The following NUBPL variants were observed in gnomAD, a reference collection of about 807,000 sequenced individuals.
The protein encoded by NUBPL is NUBP iron-sulfur cluster assembly factor, mitochondrial.
NUBPL carries 31 observed loss-of-function variants against 45.7 expected under a neutral mutation model. That is an observed-to-expected ratio of 0.68 (90% CI 0.51 to 0.92). The LOEUF (loss-of-function observed/expected upper bound fraction) is 0.92, where lower values mean the gene tolerates loss of function less well. Among genes scored for constraint, NUBPL ranks in the 40% least tolerant of loss-of-function variants. NUBPL has a pLI of 0.00. For missense variants in NUBPL, 401 were observed against 398.7 expected, an observed-to-expected ratio of 1.01 and a Z score of -0.05; for synonymous variants, 144 against 140.9, an observed-to-expected ratio of 1.02 and a Z score of -0.15.
At chr14:31,710,976 A>G in intron 6 of NUBPL, among the ~76,000 whole-genome samples, 1 of 152,232 alleles carries the variant, frequency 6.6e-6, no homozygotes, top group Non-Finnish European at 1.5e-5. Context: ...GAGAAACTAG[A>G]AAAGCACCAG....
At chr14:31,714,979 T>C (rs1436573659) in intron 6 of NUBPL, among the ~76,000 whole-genome samples, 1 of 152,194 alleles carries the variant, frequency 6.6e-6, no homozygotes, top group Non-Finnish European at 1.5e-5. Flanking sequence ...TAAACTTTCT[T>C]CTCACTTAAG....
chr14:31,613,781 G>T (rs1272732626), intron 4 of NUBPL, among the ~76,000 whole-genome samples: 3 of 151,832 alleles, frequency 2.0e-5, no homozygotes, highest in Non-Finnish European at 4.4e-5. Flanking sequence ...CAACACAAAG[G>T]ATAAATGCTT....
At chr14:31,638,954 C>T (rs890500756) in intron 4 of NUBPL, among the ~76,000 whole-genome samples, 4 of 152,140 alleles carry the variant, frequency 2.6e-5, no homozygotes, top group Non-Finnish European at 4.4e-5. Context: ...TTAAGCACTT[C>T]TCTCTATTGG....
intron 7 of NUBPL, among the ~76,000 whole-genome samples, chr14:31,818,276 A>G (rs1395184139): frequency 6.6e-6 from 1 of 152,142 alleles, no homozygotes; most frequent in Non-Finnish European, 1.5e-5. Flanking sequence ...AAGGGTATTC[A>G]GGACTTGAAC....
chr14:31,697,616 A>G (rs1220942251), intron 6 of NUBPL, among the ~76,000 whole-genome samples: 2 of 152,224 alleles, frequency 1.3e-5, no homozygotes, highest in Non-Finnish European at 2.9e-5. Context: ...TTGCAGATTA[A>G]ATATACAGCA....
intron 6 of NUBPL, among the ~76,000 whole-genome samples, chr14:31,759,651 G>A (rs2138720987): frequency 6.6e-6 from 1 of 151,376 alleles, no homozygotes; most frequent in South Asian, 2.1e-4. Context: ...CTTTACCATG[G>A]TGTGAAAGCA....
At chr14:31,756,079 A>G (rs886321511) in intron 6 of NUBPL, among the ~76,000 whole-genome samples, 1 of 151,908 alleles carries the variant, frequency 6.6e-6, no homozygotes, top group African/African-American at 2.4e-5. Flanking sequence ...TGGTACCAGT[A>G]CCATGCTGTT....
At chr14:31,727,005 C>T (rs1250085735) in intron 6 of NUBPL, among the ~76,000 whole-genome samples, 4 of 152,060 alleles carry the variant, frequency 2.6e-5, no homozygotes, top group Non-Finnish European at 5.9e-5. Flanking sequence ...TATCTTCAGG[C>T]GTCACCAAAC....
intron 4 of NUBPL, among the ~76,000 whole-genome samples, chr14:31,668,738 C>T (rs1478745295): frequency 6.6e-6 from 1 of 152,168 alleles, no homozygotes; most frequent in Non-Finnish European, 1.5e-5. Context: ...GTAGGAAAAG[C>T]CTAGTAGCTG....
intron 6 of NUBPL, among the ~76,000 whole-genome samples, chr14:31,758,143 G>T (rs760286070): frequency 6.6e-6 from 1 of 152,020 alleles, no homozygotes; most frequent in East Asian, 1.9e-4. Flanking sequence ...CCATCCATTA[G>T]AGTGTAAGTT....
intron 6 of NUBPL, among the ~76,000 whole-genome samples, chr14:31,689,713 A>G (rs2037049047): frequency 6.6e-6 from 1 of 152,168 alleles, no homozygotes; most frequent in South Asian, 2.1e-4. Flanking sequence ...TGCTGTTGAC[A>G]TCTTCGTCAT....
chr14:31,731,319 G>A lies in NUBPL; in HGVS notation c.514-56461G>A, dbSNP rs534308034. On this transcript the variant is annotated intron_variant, in intron 6 of 10. Coordinates refer to ENST00000281081, the MANE Select transcript of NUBPL (RefSeq NM_025152.3). ...ATGGTAAGAGATACAGATATTCAGC[G>A]CAAAGAACCAGAAATCCAGAGAGCC... is the stretch of plus-strand genomic sequence containing the variant. Among the ~76,000 whole-genome samples the A allele has an allele frequency of 3.1e-4, 47 of 152,268 alleles. 1 individual carries two copies. In the South Asian group the frequency reaches 5.8e-3, roughly 19 times the overall value.
At chr14:31,757,618 G>A (rs73255188) in intron 6 of NUBPL, among the ~76,000 whole-genome samples, 10,021 of 152,128 alleles carry the variant, frequency 0.066, 427 homozygotes, top group Non-Finnish European at 0.091. Flanking sequence ...GATATCTGAA[G>A]GGTAAATGTG....
At chr14:31,816,212 C>T (rs2138926837) in intron 7 of NUBPL, among the ~76,000 whole-genome samples, 1 of 152,008 alleles carries the variant, frequency 6.6e-6, no homozygotes, top group South Asian at 2.1e-4. Flanking sequence ...AGTTTCAGAA[C>T]TTACTGGTCT....
chr14:31,642,573 GT>G (rs2035735028), intron 4 of NUBPL, among the ~76,000 whole-genome samples: 1 of 152,036 alleles, frequency 6.6e-6, no homozygotes, highest in Non-Finnish European at 1.5e-5. Context: ...GTACTATATT[GT>G]TTTGGTTACT....
chr14:31,756,748 G>T (rs36161359), intron 6 of NUBPL, among the ~76,000 whole-genome samples: 55,495 of 151,262 alleles, frequency 0.37, 12,480 homozygotes, highest in East Asian at 0.6. Flanking sequence ...TTGAATAGGA[G>T]TGGTGAGAGA....
intron 6 of NUBPL, among the ~76,000 whole-genome samples, chr14:31,701,393 T>C (rs1039139006): frequency 4.6e-5 from 7 of 152,194 alleles, no homozygotes; most frequent in African/African-American, 1.4e-4. Flanking sequence ...GTCTGTAAAA[T>C]GGACCAATCA....
At chr14:31,611,106 G>A (rs1229090961) in intron 4 of NUBPL, among the ~76,000 whole-genome samples, 2 of 151,950 alleles carry the variant, frequency 1.3e-5, no homozygotes, top group African/African-American at 4.8e-5. Flanking sequence ...AATGAAATAA[G>A]GGACATCCAA....
rs140156638 is a variant in NUBPL, at chr14:31,675,131, C to A, written c.513+1557C>A. Among the ~76,000 whole-genome samples, 225 of 133,306 alleles carry A rather than the reference C, an allele frequency of 1.7e-3. 1 individual carries two copies. The East Asian group carries it at 0.019, about 11-fold the overall frequency. 87.5% of individuals were successfully genotyped at this position (133,306 alleles called of 152,430 possible). A position where few individuals can be genotyped will look rare whatever the true frequency, so the allele number is the denominator to read the frequency against. On this transcript the variant is annotated intron_variant, in intron 6 of 10. Coordinates refer to ENST00000281081, the MANE Select transcript of NUBPL (RefSeq NM_025152.3). ...CAGCCTGGGTGACAGAGTAAGACTC[C>A]GTCTCAAAAAAAAAAAAAAAGTTAC...
Sources: allele counts gnomAD v4.1 joint callset (sites outside exome capture counted in the v4.1 genomes callset), GRCh38; gene constraint gnomAD v4.1.1; transcripts MANE v1.5; gene names NCBI Gene and HGNC (gene_info 2026-07-23, HGNC 2026-07-21).